The following INPP4B variants were observed in gnomAD, a reference collection of about 807,000 sequenced individuals.
INPP4B encodes inositol polyphosphate 4-phosphatase type II.
In INPP4B, 55 loss-of-function variants were observed where a neutral mutation model predicts 122.5. The observed-to-expected ratio is 0.45, with a 90% CI of 0.36 to 0.56. The LOEUF (loss-of-function observed/expected upper bound fraction) is 0.56. Among genes scored for constraint, INPP4B ranks in the 20% least tolerant of loss-of-function variants. The pLI, the probability that INPP4B is intolerant of heterozygous loss-of-function variation, is 0.00. For synonymous variants in INPP4B, 403 were observed against 388.7 expected (o/e 1.04, Z -0.43); for missense variants, 1,000 against 1,097.7 (o/e 0.91, Z 1.26).
intron 25 of INPP4B, among the ~76,000 whole-genome samples, chr4:142,080,965 T>C (rs1773621634): frequency 6.6e-6 from 1 of 152,194 alleles, no homozygotes; most frequent in South Asian, 2.1e-4. Flanking sequence ...GAGATGTTCA[T>C]GTCAGGCCTC....
At chr4:142,036,332 G>T (rs971574920) in intron 25 of INPP4B, among the ~76,000 whole-genome samples, 1 of 152,044 alleles carries the variant, frequency 6.6e-6, no homozygotes, top group Non-Finnish European at 1.5e-5. Flanking sequence ...AGAATCATCT[G>T]TCAACCAATC....
At position 142,078,494 on chromosome 4, in the gene INPP4B, T is replaced by C. The variant is rs538648489; in HGVS notation, c.2642+3537A>G. Among the ~76,000 whole-genome samples the C allele has an allele frequency of 5.3e-5, 8 of 152,100 alleles. No homozygotes were observed. In the East Asian group the frequency reaches 1.5e-3, roughly 29 times the overall value. On this transcript the variant is annotated intron_variant, in intron 25 of 25. Coordinates refer to ENST00000262992, the MANE Select transcript of INPP4B (RefSeq NM_001101669.3). ...ATTGTATATTTATTGAGAAAAAATATATACTATGTTCACTGGGTACTGTTC... is the reference window on the plus strand; with the variant it reads ...ATTGTATATTTATTGAGAAAAAATACATACTATGTTCACTGGGTACTGTTC...
At chr4:142,263,208 G>T (rs966860093) in intron 10 of INPP4B, among the ~76,000 whole-genome samples, 2 of 152,144 alleles carry the variant, frequency 1.3e-5, no homozygotes, top group African/African-American at 4.8e-5. Flanking sequence ...TGTGCTCAAT[G>T]GGAGGACTTT....
intron 10 of INPP4B, among the ~76,000 whole-genome samples, chr4:142,261,590 G>A (rs79148483): frequency 1.3e-5 from 2 of 152,172 alleles, no homozygotes; most frequent in East Asian, 1.9e-4. Context: ...GGGCTCTGAG[G>A]GCTCAGACAA....
intron 7 of INPP4B, among the ~76,000 whole-genome samples, chr4:142,324,435 C>T (rs1683108817): frequency 6.6e-6 from 1 of 152,084 alleles, no homozygotes; most frequent in African/African-American, 2.4e-5. Flanking sequence ...CACTATACTT[C>T]TTTAACATTA....
At chr4:142,030,073 ATAATT>A (rs1297071114) in intron 25 of INPP4B, 5 of 1,450,360 alleles carry the variant, frequency 3.4e-6, no homozygotes, top group Admixed American at 2.4e-5. Flanking sequence ...CATTGTCCCC[ATAATT>A]TAAAGTTCAT....
intron 14 of INPP4B, among the ~76,000 whole-genome samples, chr4:142,207,329 G>A (rs746039634): frequency 2.0e-5 from 3 of 152,098 alleles, no homozygotes; most frequent in Admixed American, 6.6e-5. Flanking sequence ...GGACCCTATC[G>A]TAGCTTTACT....
chr4:142,602,301 A>G (rs970595175), intron 2 of INPP4B, among the ~76,000 whole-genome samples: 2 of 152,128 alleles, frequency 1.3e-5, no homozygotes, highest in Non-Finnish European at 2.9e-5. Context: ...TTCAAGCAGA[A>G]AAACAAACCA....
chr4:142,427,781 G>C (rs1808430544), intron 5 of INPP4B, among the ~76,000 whole-genome samples: 1 of 151,954 alleles, frequency 6.6e-6, no homozygotes, highest in Admixed American at 6.6e-5. Flanking sequence ...TGTCAAAAAG[G>C]TAAAAAGTGA....
Position 142,152,066 on chromosome 4 carries a change from C to CTTTTTTTTTTTTTTTT in INPP4B, c.1564-6086_1564-6071dup, listed in dbSNP as rs572092121. The stretch of plus-strand genomic sequence containing the variant: ...TGCCTAACATGCTTTTTTGTCTTTT[C>CTTTTTTTTTTTTTTTT]TTTTTTTTTTTTTTTTTTTTTTTTT... On this transcript the variant is annotated intron_variant, in intron 17 of 25. Transcript: ENST00000262992. 1.3e-4 allele frequency among the ~76,000 whole-genome samples: 9 copies of CTTTTTTTTTTTTTTTT among 69,946 alleles called. 2 individuals are homozygous for CTTTTTTTTTTTTTTTT. The highest frequency in any genetic ancestry group is 4.4e-4 in the African/African-American group (8 of 17,996). 45.9% of individuals were successfully genotyped at this position (69,946 alleles called of 152,430 possible). A position where few individuals can be genotyped will look rare whatever the true frequency, so the allele number is the denominator to read the frequency against.
intron 2 of INPP4B, among the ~76,000 whole-genome samples, chr4:142,558,817 A>T: frequency 7.5e-6 from 1 of 133,492 alleles, no homozygotes; most frequent in Non-Finnish European, 1.6e-5. Flanking sequence ...AAAAAAAAAA[A>T]AAAAAAGAAG....
chr4:142,137,734 C>T (rs1469266754), intron 18 of INPP4B, among the ~76,000 whole-genome samples: 2 of 149,718 alleles, frequency 1.3e-5, no homozygotes, highest in African/African-American at 4.9e-5. Context: ...AGGATATGAA[C>T]AGACACTTCT....
intron 2 of INPP4B, among the ~76,000 whole-genome samples, chr4:142,533,477 T>A (rs60329859): frequency 0.26 from 38,647 of 151,394 alleles, 5,990 homozygotes; most frequent in East Asian, 0.78. Flanking sequence ...ATTTTTTTTT[T>A]AAAAATAATG....
At chr4:142,561,885 T>C (rs193168519) in intron 2 of INPP4B, among the ~76,000 whole-genome samples, 149 of 152,340 alleles carry the variant, frequency 9.8e-4, no homozygotes, top group Admixed American at 2.4e-3. Context: ...AGGTTCTGTC[T>C]AAAGCCTGAA....
At chr4:142,274,713 A>G (rs1437523312) in intron 9 of INPP4B, among the ~76,000 whole-genome samples, 1 of 151,814 alleles carries the variant, frequency 6.6e-6, no homozygotes, top group Non-Finnish European at 1.5e-5. Context: ...TCATACTCTT[A>G]CCTTTCCTAG....
intron 18 of INPP4B, among the ~76,000 whole-genome samples, chr4:142,143,209 AT>A (rs1338557778): frequency 2.0e-5 from 3 of 152,082 alleles, no homozygotes; most frequent in Non-Finnish European, 4.4e-5. Flanking sequence ...ACCTGGACAT[AT>A]TTTTGTCACA....
chr4:142,122,713 T>A (rs917242748), intron 20 of INPP4B, among the ~76,000 whole-genome samples: 6 of 152,118 alleles, frequency 3.9e-5, no homozygotes, highest in South Asian at 2.1e-4. Flanking sequence ...GAGCCACATA[T>A]ATAATTTTAA....
chr4:142,152,609 T>C (rs758110673), intron 17 of INPP4B, among the ~76,000 whole-genome samples: 2 of 152,108 alleles, frequency 1.3e-5, no homozygotes, highest in Admixed American at 6.5e-5. Flanking sequence ...CTTTCTTTTA[T>C]TTTTAGAGAT....
intron 9 of INPP4B, among the ~76,000 whole-genome samples, chr4:142,293,345 G>C (rs542296349): frequency 6.6e-6 from 1 of 151,748 alleles, no homozygotes; most frequent in African/African-American, 2.4e-5. Flanking sequence ...TAAGTACATC[G>C]ATCAGGGAAC....
Sources: allele counts gnomAD v4.1 joint callset (sites outside exome capture counted in the v4.1 genomes callset), GRCh38; gene constraint gnomAD v4.1.1; transcripts MANE v1.5; gene names NCBI Gene and HGNC (gene_info 2026-07-23, HGNC 2026-07-21).